The following LIN37 variants were observed in gnomAD, a reference collection of about 807,000 sequenced individuals.
LIN37 encodes protein lin-37 homolog.
Under a neutral mutation model 38.0 loss-of-function variants are expected in LIN37, and 21 were observed. The observed-to-expected ratio is 0.55, with a 90% CI of 0.39 to 0.80. The LOEUF (loss-of-function observed/expected upper bound fraction) is 0.80. Among genes scored for constraint, LIN37 ranks in the 30% least tolerant of loss-of-function variants. LIN37 has a pLI of 0.00. For synonymous variants in LIN37, 126 were observed against 122.9 expected (o/e 1.03, Z -0.17); for missense variants, 273 against 338.5 (o/e 0.81, Z 1.52).
At chr19:35,749,679 C>A (rs1970654424) in intron 1 of LIN37, among the ~76,000 whole-genome samples, 1 of 150,194 alleles carries the variant, frequency 6.7e-6, no homozygotes, top group South Asian at 2.1e-4. Context: ...GTGGCACAAG[C>A]CTGTAGTCCC....
Position 35,753,232 on chromosome 19 carries a change from C to A in LIN37, c.423C>A (p.Pro141=). 2 of 1,553,466 alleles carry A rather than the reference C, an allele frequency of 1.3e-6. No homozygotes were observed. Among genetic ancestry groups the A allele is most frequent in the Non-Finnish European group, 1.7e-6 (2 of 1,149,422 alleles). Residue 141 remains proline, a synonymous_variant, in exon 6 of 9, where the codon CCC becomes CCA. Transcript: ENST00000301159. ...AATGCTCTCCCAGCTCACCCCTGCC[C>A]CCGCTGCCTGAGGATGAGGAGGTGG... ...ERECSPSSPL[P]PLPEDEEGSE... is the part of the protein sequence containing the mutation.
At chr19:35,750,470 G>A (rs1023902843) in intron 1 of LIN37, among the ~76,000 whole-genome samples, 7 of 152,158 alleles carry the variant, frequency 4.6e-5, no homozygotes, top group Admixed American at 3.9e-4. Flanking sequence ...TCCAGGCTCT[G>A]AGCACTAGAG....
In LIN37 at chr19:35,754,309, A is replaced by T; in HGVS notation, c.649A>T (p.Ile217Phe). 1 of 1,614,038 alleles carries T rather than the reference A, an allele frequency of 6.2e-7. No homozygotes were observed. The highest frequency in any genetic ancestry group is 8.5e-7 in the Non-Finnish European group (1 of 1,179,892). ...IYRNMQRWKR[I>F]RQRWKEASHR... ...TCGCAACATGCAGCGCTGGAAACGCATCCGCCAGAGGTGAGCGTCCCCCAG... is the reference window on the plus strand; with the variant it reads ...TCGCAACATGCAGCGCTGGAAACGCTTCCGCCAGAGGTGAGCGTCCCCCAG... The change falls in exon 8 of 9, where the codon ATC becomes TTC. Residue 217 changes from isoleucine (I) to phenylalanine (F), a missense_variant. Ile to Phe is a conservative substitution (Grantham distance 21). Transcript: ENST00000301159.
chr19:35,753,949 T>G, intron 6 of LIN37, 68 bp from the exon 7 acceptor site: 1 of 1,558,008 alleles, frequency 6.4e-7, no homozygotes. Context: ...GCAGGAGGGA[T>G]GAATGTGGAT....
In LIN37 at chr19:35,752,909, C is replaced by T. The variant is rs544617106; in HGVS notation, c.192-5C>T. 44 of 1,579,508 alleles carry T rather than the reference C, an allele frequency of 2.8e-5. No individual in the cohort carries two copies. The highest frequency in any genetic ancestry group is 3.2e-5 in the Non-Finnish European group (37 of 1,162,662). The stretch of plus-strand genomic sequence containing the variant: ...CCAGTCCTGACACTCCCTCTCCCTA[C>T]GCAGGCCATCTGCCCGCTTCCCCCA... On this transcript the variant is annotated splice_region_variant and splice_polypyrimidine_tract_variant and intron_variant, in intron 4 of 8. Transcript: ENST00000301159.
In LIN37 at chr19:35,748,758, G is replaced by A; in HGVS notation, c.34G>A (p.Glu12Lys). Residue 12 changes from glutamate (E) to lysine (K), a missense_variant and splice_region_variant, in exon 1 of 9, where the codon GAG becomes AAG. Physicochemically the swap from Glu to Lys is moderately conservative, Grantham distance 56. Coordinates refer to ENST00000301159, the MANE Select transcript of LIN37 (RefSeq NM_019104.3). ...FPVKVKVEKS[E>K]LEMAKARNQL... ...TGTGAAGGTGAAAGTGGAGAAATCA[G>A]GTGAGGACCCTGACGTCGGGGGCCT... 3 of 1,613,940 alleles carry A rather than the reference G, an allele frequency of 1.9e-6. No individual in the cohort carries two copies. Among genetic ancestry groups the A allele is most frequent in the Non-Finnish European group, 2.5e-6 (3 of 1,179,838 alleles).
chr19:35,752,048 C>T (rs1970685567), intron 1 of LIN37, 128 bp from the exon 2 acceptor site: 1 of 683,068 alleles, frequency 1.5e-6, no homozygotes. Context: ...TGCACCCTTT[C>T]AGGCTGCCTG....
rs768217505 is a variant in LIN37, at chr19:35,754,145, C to A, written c.573C>A (p.Thr191=). 1.9e-6 allele frequency: 3 copies of A among 1,613,988 alleles called. No individual in the cohort carries two copies. In the South Asian group the frequency reaches 3.3e-5, roughly 18 times the overall value. ...PSPLQPEMQG[T]PDDEPSEPEP... is the part of the protein sequence containing the mutation. ...CACTGCAGCCTGAGATGCAGGGCAC[C>A]CCTGACGATGAGGTGAGTATGCCAG... Residue 191 remains threonine, a synonymous_variant, in exon 7 of 9, where the codon ACC becomes ACA. Transcript: ENST00000301159.
At chr19:35,753,394 G>A (rs1485447300) in intron 6 of LIN37, 141 bp downstream of exon 6, 3 of 1,000,172 alleles carry the variant, frequency 3.0e-6, no homozygotes, top group Non-Finnish European at 3.0e-6. Flanking sequence ...TAGGCACACA[G>A]ATGTGCACTC....
chr19:35,753,459 C>G, intron 6 of LIN37: 1 of 670,068 alleles, frequency 1.5e-6, no homozygotes, highest in South Asian at 1.7e-5. Flanking sequence ...ACCACCTGGC[C>G]TGGGAGACAG....
At chr19:35,752,599 A>T in intron 3 of LIN37, 115 bp downstream of exon 3, 1 of 1,282,252 alleles carries the variant, frequency 7.8e-7, no homozygotes, top group Non-Finnish European at 1.1e-6. Context: ...GGACCACTCC[A>T]CCTGTACAAA....
Position 35,748,770 on chromosome 19 carries a change from G to T in LIN37, c.34+12G>T. The T allele has an allele frequency of 6.2e-7, 1 of 1,613,874 alleles. No homozygotes were observed. The highest frequency in any genetic ancestry group is 8.5e-7 in the Non-Finnish European group (1 of 1,179,816). ...AGTGGAGAAATCAGGTGAGGACCCT[G>T]ACGTCGGGGGCCTGTCGGGACCATC... On this transcript the variant is annotated intron_variant, in intron 1 of 8. Coordinates refer to ENST00000301159, the MANE Select transcript of LIN37 (RefSeq NM_019104.3).
In LIN37 at chr19:35,753,227, C is replaced by T. The variant is rs961580293; in HGVS notation, c.418C>T (p.Leu140=). ...GCGTGAATGCTCTCCCAGCTCACCC[C>T]TGCCCCCGCTGCCTGAGGATGAGGA... ...RERECSPSSP[L]PPLPEDEEGS... The change falls in exon 6 of 9, where the codon CTG becomes TTG. Residue 140 remains leucine, a synonymous_variant. Transcript: ENST00000301159. The T allele has an allele frequency of 1.9e-5, 29 of 1,553,590 alleles. No homozygotes were observed. Among genetic ancestry groups the T allele is most frequent in the Non-Finnish European group, 2.4e-5 (28 of 1,149,458 alleles).
chr19:35,753,787 T>C (rs1970713511), intron 6 of LIN37: 1 of 588,326 alleles, frequency 1.7e-6, no homozygotes, highest in African/African-American at 1.9e-5. Context: ...GGCTGACAGG[T>C]GTAGATGGAG....
chr19:35,750,628 G>A (rs552562254), intron 1 of LIN37, among the ~76,000 whole-genome samples: 5 of 152,208 alleles, frequency 3.3e-5, no homozygotes, highest in East Asian at 3.9e-4. Context: ...CTCATTTCCC[G>A]AGGGGGAAAA....
chr19:35,753,226 C>G lies in LIN37; in HGVS notation c.417C>G (p.Pro139=). The change falls in exon 6 of 9, where the codon CCC becomes CCG. Residue 139 remains proline, a synonymous_variant. Transcript: ENST00000301159. ...VRERECSPSS[P]LPPLPEDEEG... ...AGCGTGAATGCTCTCCCAGCTCACC[C>G]CTGCCCCCGCTGCCTGAGGATGAGG... 6.4e-7 allele frequency: 1 copy of G among 1,555,062 alleles called. No individual in the cohort carries two copies. Among genetic ancestry groups the G allele is most frequent in the Non-Finnish European group, 8.7e-7 (1 of 1,150,090 alleles).
rs746027206 is a variant in LIN37 at position 35,752,929 on chromosome 19, C to G, written c.207C>G (p.Phe69Leu). Residue 69 changes from phenylalanine to leucine, a missense_variant, in exon 5 of 9, where the codon TTC (phenylalanine) becomes TTG (leucine). Physicochemically the swap from Phe to Leu is conservative, Grantham distance 22. Coordinates refer to ENST00000301159, the MANE Select transcript of LIN37 (RefSeq NM_019104.3). ...AATGKRPSAR[F>L]PHQRRKKRRE... The stretch of plus-strand genomic sequence containing the variant: ...CCCTACGCAGGCCATCTGCCCGCTT[C>G]CCCCACCAGCGGAGGAAGAAGAGGA... The G allele has an allele frequency of 1.9e-6, 3 of 1,574,406 alleles. No homozygotes were observed. The South Asian group carries it at 3.5e-5, about 18-fold the overall frequency.
chr19:35,749,232 T>C (rs1181353010), intron 1 of LIN37, among the ~76,000 whole-genome samples: 2 of 151,916 alleles, frequency 1.3e-5, no homozygotes, highest in African/African-American at 4.8e-5. Context: ...AGTTTCCCCA[T>C]TTCCAGCAGT....
intron 1 of LIN37, 72 bp from the exon 2 acceptor site, chr19:35,752,104 C>A: frequency 1.6e-6 from 2 of 1,217,292 alleles, no homozygotes; most frequent in Non-Finnish European, 1.2e-6. Flanking sequence ...GCACGCCCTT[C>A]CCTGGCCCAG....
Sources: allele counts gnomAD v4.1 joint callset (sites outside exome capture counted in the v4.1 genomes callset), GRCh38; gene constraint gnomAD v4.1.1; transcripts MANE v1.5; gene names NCBI Gene and HGNC (gene_info 2026-07-23, HGNC 2026-07-21).